Variants in AUTS2 observed in about 807,000 individuals in gnomAD.
AUTS2 encodes autism susceptibility gene 2 protein.
Under a neutral mutation model 112.4 loss-of-function variants are expected in AUTS2, and 17 were observed. That is an observed-to-expected ratio of 0.15 (90% CI 0.10 to 0.23). The LOEUF (loss-of-function observed/expected upper bound fraction) is 0.23, where lower values mean the gene tolerates loss of function less well. Among genes scored for constraint, AUTS2 ranks in the 10% least tolerant of loss-of-function variants. The pLI, the probability that AUTS2 is intolerant of heterozygous loss-of-function variation, is 1.00. For synonymous variants in AUTS2, 751 were observed against 702.7 expected, an observed-to-expected ratio of 1.07 and a Z score of -1.09; for missense variants, 1,510 against 1,701.6, an observed-to-expected ratio of 0.89 and a Z score of 1.98.
intron 2 of AUTS2, among the ~76,000 whole-genome samples, chr7:70,059,994 C>T (rs1802170397): frequency 6.6e-6 from 1 of 152,134 alleles, no homozygotes; most frequent in Non-Finnish European, 1.5e-5. Flanking sequence ...ATTTTTTCTA[C>T]AGGTGGTGCA....
chr7:69,963,620 A>C (rs1797518985), intron 2 of AUTS2, among the ~76,000 whole-genome samples: 1 of 152,192 alleles, frequency 6.6e-6, no homozygotes, highest in African/African-American at 2.4e-5. Context: ...ACCTTTTATC[A>C]AGCTCAATTG....
At chr7:70,244,105 A>G (rs183810421) in intron 4 of AUTS2, among the ~76,000 whole-genome samples, 2,401 of 152,174 alleles carry the variant, frequency 0.016, 65 homozygotes, top group African/African-American at 0.051. Context: ...TGTGCCCACT[A>G]TAGAGAAGTT....
intron 4 of AUTS2, among the ~76,000 whole-genome samples, chr7:70,354,952 G>C (rs1345825614): frequency 6.6e-6 from 1 of 151,612 alleles, no homozygotes; most frequent in Non-Finnish European, 1.5e-5. Flanking sequence ...ATTAGAAAGG[G>C]CTGCTGTGTG....
chr7:69,876,513 TA>T (rs1793801927), intron 1 of AUTS2, among the ~76,000 whole-genome samples: 2 of 65,052 alleles, frequency 3.1e-5, no homozygotes, highest in South Asian at 5.2e-4. Flanking sequence ...TATATATATA[TA>T]TATATATATA....
chr7:70,419,039 A>T (rs982372294), intron 4 of AUTS2, among the ~76,000 whole-genome samples: 2 of 152,158 alleles, frequency 1.3e-5, no homozygotes, highest in Non-Finnish European at 2.9e-5. Flanking sequence ...TAAAAAAAGA[A>T]ATTGAACCTG....
chr7:70,334,226 T>TAA lies in AUTS2; in HGVS notation c.661-101526_661-101525insAA, dbSNP rs529807407. Reference sequence around the variant, plus strand: ...CTGAGTACAATGTTAGCTGCAGGTTTTTCATAAATATTCTTTATCATGTTG... The same window carrying TAA: ...CTGAGTACAATGTTAGCTGCAGGTTTAATTCATAAATATTCTTTATCATGTTG... On this transcript the variant is annotated intron_variant, in intron 4 of 18. Coordinates refer to ENST00000342771, the MANE Select transcript of AUTS2 (RefSeq NM_015570.4). 3.9e-5 allele frequency among the ~76,000 whole-genome samples: 6 copies of TAA among 152,296 alleles called. No homozygotes were observed. In the East Asian group the frequency reaches 1.2e-3, roughly 29 times the overall value.
chr7:70,299,435 G>C (rs536764836), intron 4 of AUTS2, among the ~76,000 whole-genome samples: 28 of 152,252 alleles, frequency 1.8e-4, no homozygotes, highest in South Asian at 1.4e-3. Context: ...TGCACTACTT[G>C]GCTGCTTCTC....
chr7:70,030,484 C>T (rs550373422), intron 2 of AUTS2, among the ~76,000 whole-genome samples: 97 of 152,250 alleles, frequency 6.4e-4, no homozygotes, highest in African/African-American at 2.3e-3. Flanking sequence ...TCCCATATGA[C>T]ATCCTTGGGC....
intron 5 of AUTS2, among the ~76,000 whole-genome samples, chr7:70,552,765 A>G (rs1461903707): frequency 6.6e-6 from 1 of 152,206 alleles, no homozygotes; most frequent in African/African-American, 2.4e-5. Flanking sequence ...CCAAATCTGA[A>G]GCAGTAACAG....
In AUTS2 at chr7:69,860,133, A is replaced by AT. The variant is rs1276512224; in HGVS notation, c.310-39149dup. 3.9e-5 allele frequency among the ~76,000 whole-genome samples: 6 copies of AT among 152,046 alleles called. No homozygotes were observed. The East Asian group carries it at 1.2e-3, about 30-fold the overall frequency. On this transcript the variant is annotated intron_variant, in intron 1 of 18. Transcript: ENST00000342771. ...GAGCTCTGATGCTGATTCAGCTGCA[A>AT]TTTTGAGGACCCTTGACCCTAACTA...
At chr7:69,775,130 T>C (rs1788835732) in intron 1 of AUTS2, among the ~76,000 whole-genome samples, 1 of 152,224 alleles carries the variant, frequency 6.6e-6, no homozygotes, top group Non-Finnish European at 1.5e-5. Flanking sequence ...TAAATTGTGA[T>C]GCTGGGTTAT....
At chr7:70,102,654 A>G (rs1210843382) in intron 2 of AUTS2, among the ~76,000 whole-genome samples, 1 of 152,134 alleles carries the variant, frequency 6.6e-6, no homozygotes, top group Non-Finnish European at 1.5e-5. Flanking sequence ...TAATAATCTT[A>G]TACTAATAAG....
chr7:70,481,492 C>G (rs1359508124), intron 5 of AUTS2, among the ~76,000 whole-genome samples: 4 of 152,180 alleles, frequency 2.6e-5, no homozygotes, highest in Non-Finnish European at 5.9e-5. Context: ...TAGGTCCTGT[C>G]CTGTCATTTA....
chr7:70,225,183 A>G (rs1225561275), intron 4 of AUTS2, among the ~76,000 whole-genome samples: 3 of 152,224 alleles, frequency 2.0e-5, no homozygotes, highest in Non-Finnish European at 4.4e-5. Context: ...ATGACAAAAC[A>G]AGTTAAATCA....
chr7:70,001,364 G>A (rs189089734), intron 2 of AUTS2, among the ~76,000 whole-genome samples: 10 of 152,192 alleles, frequency 6.6e-5, no homozygotes, highest in South Asian at 4.1e-4. Context: ...GAGCTCAAGC[G>A]ATTCTCCCTC....
At chr7:70,646,411 A>G (rs1159033508) in intron 5 of AUTS2, among the ~76,000 whole-genome samples, 4 of 152,222 alleles carry the variant, frequency 2.6e-5, no homozygotes, top group Non-Finnish European at 1.5e-5. Flanking sequence ...TTGCCGTCAC[A>G]TCCACTAAGG....
intron 2 of AUTS2, among the ~76,000 whole-genome samples, chr7:69,998,243 T>C (rs1799034882): frequency 6.6e-6 from 1 of 152,122 alleles, no homozygotes; most frequent in South Asian, 2.1e-4. Context: ...GATGGGGTCT[T>C]GTTATGTTGC....
chr7:69,988,804 C>A (rs373875452), intron 2 of AUTS2, among the ~76,000 whole-genome samples: 1 of 152,138 alleles, frequency 6.6e-6, no homozygotes, highest in African/African-American at 2.4e-5. Context: ...TTTAATTTCC[C>A]GTACTCGTGG....
Position 70,734,505 on chromosome 7 carries a change from CCCTTTTTCTCT to C in AUTS2, c.743-28363_743-28353del, listed in dbSNP as rs1787665866. On this transcript the variant is annotated intron_variant, in intron 6 of 18. Transcript: ENST00000342771. Reference sequence around the variant, plus strand: ...GTATGGGGATACATTGTCCCCTCCCCCCTTTTTCTCTCAGTTAAAAATCTGTCCCAGAATGA... The same window carrying C: ...GTATGGGGATACATTGTCCCCTCCCCCAGTTAAAAATCTGTCCCAGAATGA... Among the ~76,000 whole-genome samples, 2 of 152,088 alleles carry C rather than the reference CCCTTTTTCTCT, an allele frequency of 1.3e-5. 1 individual carries two copies. Among genetic ancestry groups the C allele is most frequent in the South Asian group, 4.1e-4 (2 of 4,820 alleles).
Sources: allele counts gnomAD v4.1 joint callset (sites outside exome capture counted in the v4.1 genomes callset), GRCh38; gene constraint gnomAD v4.1.1; transcripts MANE v1.5; gene names NCBI Gene and HGNC (gene_info 2026-07-23, HGNC 2026-07-21).